The following SNTG1 variants were observed in gnomAD, a reference collection of about 807,000 sequenced individuals.
The protein encoded by SNTG1 is syntrophin gamma 1, also known as gamma-1-syntrophin.
A neutral mutation model predicts 74.7 loss-of-function variants in SNTG1; 39 were observed. The observed-to-expected ratio is 0.52, with a 90% confidence interval of 0.40 to 0.68. The LOEUF is 0.68. Among genes scored for constraint, SNTG1 ranks in the 30% least tolerant of loss-of-function variants. SNTG1 has a pLI of 0.00. For synonymous variants in SNTG1, 254 were observed against 217.1 expected (o/e 1.17, Z -1.49); for missense variants, 685 against 609.5 (o/e 1.12, Z -1.30).
chr8:49,931,469 TG>T lies in SNTG1; in HGVS notation c.-103+19241del, dbSNP rs1256314667. Among the ~76,000 whole-genome samples, 8 of 152,262 alleles carry T rather than the reference TG, an allele frequency of 5.3e-5. No homozygotes were observed. The South Asian group carries it at 1.7e-3, about 32-fold the overall frequency. The stretch of plus-strand genomic sequence containing the variant: ...CCTATTGGGTACAATGCTCACTATC[TG>T]GGTGATGGGATCCGTAACCCAAACC... On this transcript the variant is annotated intron_variant, in intron 1 of 18. Transcript: ENST00000642720.
chr8:50,417,301 A>C (rs2093026841), intron 4 of SNTG1, among the ~76,000 whole-genome samples: 1 of 151,974 alleles, frequency 6.6e-6, no homozygotes, highest in Non-Finnish European at 1.5e-5. Flanking sequence ...ACATTATCTT[A>C]CTCTGTAGAC....
chr8:50,007,338 C>T (rs1037905067), intron 1 of SNTG1, among the ~76,000 whole-genome samples: 25 of 151,986 alleles, frequency 1.6e-4, no homozygotes. Context: ...CAGAACTCTC[C>T]TTGGGTCGTC....
At chr8:50,675,249 T>C (rs892238783) in intron 15 of SNTG1, among the ~76,000 whole-genome samples, 5 of 152,080 alleles carry the variant, frequency 3.3e-5, no homozygotes, top group African/African-American at 1.2e-4. Context: ...ATCTTTCTAA[T>C]ATTGACAACT....
At chr8:50,741,555 T>C (rs1183054433) in intron 17 of SNTG1, among the ~76,000 whole-genome samples, 2 of 152,088 alleles carry the variant, frequency 1.3e-5, no homozygotes, top group East Asian at 3.9e-4. Flanking sequence ...AAAAGCTATG[T>C]CCTCACAAAA....
intron 2 of SNTG1, among the ~76,000 whole-genome samples, chr8:50,297,850 G>A (rs1158104425): frequency 6.6e-6 from 1 of 150,666 alleles, no homozygotes; most frequent in Non-Finnish European, 1.5e-5. Flanking sequence ...GAACTGAGTT[G>A]CAGGAGGAAG....
chr8:50,300,100 C>A (rs142458048), intron 2 of SNTG1, among the ~76,000 whole-genome samples: 6 of 152,178 alleles, frequency 3.9e-5, no homozygotes, highest in Non-Finnish European at 1.5e-5. Context: ...AAAAGAGGAA[C>A]TAAATGCAGA....
At chr8:50,784,093 T>A (rs2095667805) in intron 18 of SNTG1, among the ~76,000 whole-genome samples, 1 of 152,224 alleles carries the variant, frequency 6.6e-6, no homozygotes, top group African/African-American at 2.4e-5. Context: ...TCATAACTAC[T>A]GTAAAAGAGT....
chr8:50,282,994 T>G (rs1367283745), intron 2 of SNTG1, among the ~76,000 whole-genome samples: 1 of 152,160 alleles, frequency 6.6e-6, no homozygotes, highest in Non-Finnish European at 1.5e-5. Flanking sequence ...ATGAATTGGG[T>G]AGTAAACAAA....
chr8:50,488,465 A>G (rs1016004434), intron 8 of SNTG1, among the ~76,000 whole-genome samples: 2 of 152,178 alleles, frequency 1.3e-5, no homozygotes, highest in Non-Finnish European at 1.5e-5. Context: ...AATCCTATCA[A>G]TGGGTCCTAC....
intron 4 of SNTG1, among the ~76,000 whole-genome samples, chr8:50,432,266 T>C (rs1420522318): frequency 6.6e-6 from 1 of 152,132 alleles, no homozygotes; most frequent in Non-Finnish European, 1.5e-5. Flanking sequence ...TGGAAAAAAA[T>C]ATCTTTGCTT....
At chr8:50,767,967 C>T (rs763630064) in intron 18 of SNTG1, among the ~76,000 whole-genome samples, 12 of 152,016 alleles carry the variant, frequency 7.9e-5, no homozygotes, top group East Asian at 3.9e-4. Context: ...ACAGCATATT[C>T]GTCTAAACTA....
intron 1 of SNTG1, among the ~76,000 whole-genome samples, chr8:49,929,930 T>C (rs1051803808): frequency 3.1e-4 from 42 of 135,998 alleles, no homozygotes; most frequent in African/African-American, 1.0e-3. Flanking sequence ...TGTGATCTCA[T>C]TGTTCAATTC....
At chr8:50,760,472 G>C (rs10075238) in intron 18 of SNTG1, among the ~76,000 whole-genome samples, 17,756 of 151,878 alleles carry the variant, frequency 0.12, 3,095 homozygotes, top group African/African-American at 0.38. Context: ...TATTGGTTGT[G>C]GGTTTGTCAT....
At chr8:50,124,591 G>C (rs1210168534) in intron 1 of SNTG1, among the ~76,000 whole-genome samples, 2 of 142,092 alleles carry the variant, frequency 1.4e-5, no homozygotes, top group Non-Finnish European at 3.1e-5. Context: ...GGTCCTAATT[G>C]CATGATTGAA....
intron 15 of SNTG1, among the ~76,000 whole-genome samples, chr8:50,702,586 G>A (rs1373296114): frequency 6.6e-6 from 1 of 152,156 alleles, no homozygotes; most frequent in African/African-American, 2.4e-5. Context: ...CCCTCCTTAT[G>A]AGAAATGATT....
chr8:50,010,504 A>G (rs1403356774), intron 1 of SNTG1, among the ~76,000 whole-genome samples: 1 of 152,162 alleles, frequency 6.6e-6, no homozygotes, highest in Admixed American at 6.6e-5. Flanking sequence ...ACAAAATCTG[A>G]ATGTATGATA....
chr8:50,613,031 A>G (rs1335479364), intron 13 of SNTG1, among the ~76,000 whole-genome samples: 1 of 152,218 alleles, frequency 6.6e-6, no homozygotes, highest in Non-Finnish European at 1.5e-5. Flanking sequence ...TCTTAGACAT[A>G]TAAGACAAAA....
chr8:50,790,713 AT>A (rs2095688442), intron 18 of SNTG1, among the ~76,000 whole-genome samples: 1 of 151,732 alleles, frequency 6.6e-6, no homozygotes, highest in Non-Finnish European at 1.5e-5. Context: ...ACCTGCTATT[AT>A]TTCCCGTCTA....
At chr8:49,960,310 A>AT (rs1810562866) in intron 1 of SNTG1, among the ~76,000 whole-genome samples, 1 of 152,238 alleles carries the variant, frequency 6.6e-6, no homozygotes, top group South Asian at 2.1e-4. Flanking sequence ...AACATTGAAT[A>AT]TTTTGGAATG....
Sources: allele counts gnomAD v4.1 joint callset (sites outside exome capture counted in the v4.1 genomes callset), GRCh38; gene constraint gnomAD v4.1.1; transcripts MANE v1.5; gene names NCBI Gene and HGNC (gene_info 2026-07-23, HGNC 2026-07-21).